Variants in RITA1 observed in about 807,000 individuals in gnomAD.
RITA1 encodes RBPJ-interacting and tubulin-associated protein 1.
A neutral mutation model predicts 8.7 loss-of-function variants in RITA1; 15 were observed. That is an observed-to-expected ratio of 1.72 (90% CI 1.15 to 2.65). RITA1 has a LOEUF of 2.65. Among genes scored for constraint, RITA1 ranks in the 30% most tolerant of loss-of-function variants. The pLI is 0.00. For missense variants in RITA1, 330 were observed against 363.8 expected (o/e 0.91, Z 0.76); for synonymous variants, 145 against 156.2 (o/e 0.93, Z 0.53).
intron 3 of RITA1, 78 bp downstream of exon 3, chr12:113,187,126 C>G: frequency 7.1e-7 from 1 of 1,405,572 alleles, no homozygotes; most frequent in Non-Finnish European, 9.5e-7. Context: ...TGTTCACCTG[C>G]TCTGTGACCT....
Position 113,185,769 on chromosome 12 carries a change from G to A in RITA1, c.-449G>A. ...TGCTGGGTGCAAAGTGCTGGGTTCT[G>A]GGTTTCTGGATTCGCGGGCCGTTCA... On this transcript the variant is annotated 5_prime_UTR_variant, in exon 1 of 4. Coordinates refer to ENST00000548278, the MANE Select transcript of RITA1 (RefSeq NM_032848.3). 1.6e-6 allele frequency: 1 copy of A among 610,018 alleles called. No homozygotes were observed. Among genetic ancestry groups the A allele is most frequent in the Non-Finnish European group, 2.9e-6 (1 of 350,652 alleles). The allele number at this position is 610,018 out of a possible 1,614,324, so 37.8% of individuals were successfully genotyped here. A position where few individuals can be genotyped will look rare whatever the true frequency, so the allele number is the denominator to read the frequency against.
At chr12:113,190,915 A>T (rs556082810) in intron 3 of RITA1, among the ~76,000 whole-genome samples, 1 of 152,350 alleles carries the variant, frequency 6.6e-6, no homozygotes, top group South Asian at 2.1e-4. Flanking sequence ...AAGTAAAGTC[A>T]GGTGGCAGAA....
chr12:113,186,132 A>T, intron 1 of RITA1, 53 bp from the exon 2 acceptor site: 1 of 1,465,830 alleles, frequency 6.8e-7, no homozygotes, highest in Non-Finnish European at 9.2e-7. Context: ...TCCCGATAGC[A>T]GTGTAGCCAA....
chr12:113,191,912 T>C lies in RITA1; in HGVS notation c.*95T>C. 2.0e-6 allele frequency: 3 copies of C among 1,464,114 alleles called. No individual in the cohort carries two copies. Among genetic ancestry groups the C allele is most frequent in the Non-Finnish European group, 2.7e-6 (3 of 1,091,042 alleles). The allele number at this position is 1,464,114 out of a possible 1,614,324, so 90.7% of individuals were successfully genotyped here. A position where few individuals can be genotyped will look rare whatever the true frequency, so the allele number is the denominator to read the frequency against. On this transcript the variant is annotated 3_prime_UTR_variant, in exon 4 of 4. Transcript: ENST00000548278. The surrounding 1 kb of genome is among the most constrained non-coding windows in gnomAD (Gnocchi z 4.0). ...TTCATCACCCAGGGAACCCCAGGTA[T>C]TAAAGAAGCCCCTGTGGGGGCAGAC...
At chr12:113,190,275 T>C (rs1952586352) in intron 3 of RITA1, among the ~76,000 whole-genome samples, 1 of 146,934 alleles carries the variant, frequency 6.8e-6, no homozygotes, top group Non-Finnish European at 1.5e-5. Flanking sequence ...GAGGTTGCAG[T>C]GAGCTGAGAT....
intron 3 of RITA1, among the ~76,000 whole-genome samples, chr12:113,188,024 C>A (rs1359152445): frequency 1.3e-5 from 2 of 152,036 alleles, no homozygotes; most frequent in African/African-American, 4.8e-5. Flanking sequence ...TGACAAAATA[C>A]CACAGACTGG....
Position 113,191,906 on chromosome 12 carries a change from C to T in RITA1, c.*89C>T, listed in dbSNP as rs1952611601. ...AGGACATTCATCACCCAGGGAACCC[C>T]AGGTATTAAAGAAGCCCCTGTGGGG... On this transcript the variant is annotated 3_prime_UTR_variant, in exon 4 of 4. Coordinates refer to ENST00000548278, the MANE Select transcript of RITA1 (RefSeq NM_032848.3). This position sits in a 1 kb window ranked among gnomAD's most constrained non-coding sequence, Gnocchi z 4.0. 5.4e-6 allele frequency: 8 copies of T among 1,487,138 alleles called. No homozygotes were observed. The highest frequency in any genetic ancestry group is 7.2e-6 in the Non-Finnish European group (8 of 1,110,664). The allele number at this position is 1,487,138 out of a possible 1,614,324, so 92.1% of individuals were successfully genotyped here.
Position 113,186,312 on chromosome 12 carries a change from A to G in RITA1, c.-69A>G, listed in dbSNP as rs925665005. 4 of 1,384,666 alleles carry G rather than the reference A, an allele frequency of 2.9e-6. No individual in the cohort carries two copies. The highest frequency in any genetic ancestry group is 3.7e-6 in the Non-Finnish European group (4 of 1,070,410). The allele number at this position is 1,384,666 out of a possible 1,614,324, so 85.8% of individuals were successfully genotyped here. On this transcript the variant is annotated 5_prime_UTR_variant, in exon 2 of 4. Coordinates refer to ENST00000548278, the MANE Select transcript of RITA1 (RefSeq NM_032848.3). ...AAACAATGCTTGTAAAGCTCTTTGC[A>G]GGAGGTAGGCATGGGATCCACGCTG...
Position 113,186,896 on chromosome 12 carries a change from G to T in RITA1, c.150G>T (p.Pro50=), listed in dbSNP as rs780342438. The T allele has an allele frequency of 6.2e-7, 1 of 1,613,968 alleles. No homozygotes were observed. Among genetic ancestry groups the T allele is most frequent in the Non-Finnish European group, 8.5e-7 (1 of 1,180,026 alleles). Residue 50 remains proline (P), a synonymous_variant, in exon 3 of 4, where the codon CCG becomes CCT. Transcript: ENST00000548278. Reference sequence around the variant, plus strand: ...CAGCAGGCACCCGGCCTACCCCACCGGACTTCGATCCGCCCTGGGTGGAGA... The same window carrying T: ...CAGCAGGCACCCGGCCTACCCCACCTGACTTCGATCCGCCCTGGGTGGAGA... The part of the protein sequence containing the change: ...GSPAGTRPTP[P]DFDPPWVEKA...
At position 113,191,737 on chromosome 12, in the gene RITA1, G is replaced by T; in HGVS notation, c.730G>T (p.Ala244Ser). The stretch of plus-strand genomic sequence containing the variant: ...CCGGAGCCCCCTGGTGACTTCCAGG[G>T]CTCGCTCAGTTAGCATTTCAGTGCC... ...TFRSPLVTSR[A>S]RSVSISVPST... The change falls in exon 4 of 4, where the codon GCT (alanine) becomes TCT (serine). Residue 244 changes from alanine (A) to serine (S), a missense_variant. Physicochemically the swap from Ala to Ser is moderately conservative, Grantham distance 99 (BLOSUM62 1). Coordinates refer to ENST00000548278, the MANE Select transcript of RITA1 (RefSeq NM_032848.3). This position sits in a 1 kb window ranked among gnomAD's most constrained non-coding sequence, Gnocchi z 4.0. 1 of 1,613,966 alleles carries T rather than the reference G, an allele frequency of 6.2e-7. No individual in the cohort carries two copies. The highest frequency in any genetic ancestry group is 2.2e-5 in the East Asian group (1 of 44,866).
Position 113,188,786 on chromosome 12 carries a change from C to CTTTTTTTT in RITA1, c.302+1738_302+1739insTTTTTTTT, listed in dbSNP as rs1566105385. On this transcript the variant is annotated intron_variant, in intron 3 of 3. Transcript: ENST00000548278. ...TTATAATGTTATTTAGCCTTAGTTA[C>CTTTTTTTT]CTTTTTTTTTTTTTTTTTTTTTTTT... 4.7e-5 allele frequency among the ~76,000 whole-genome samples: 3 copies of CTTTTTTTT among 64,258 alleles called. 1 individual carries two copies. The allele number at this position is 64,258 out of a possible 152,430, so 42.2% of individuals were successfully genotyped here. A position where few individuals can be genotyped will look rare whatever the true frequency, so the allele number is the denominator to read the frequency against.
Position 113,186,733 on chromosome 12 carries a change from G to C in RITA1, c.-14G>C, listed in dbSNP as rs749744274. On this transcript the variant is annotated 5_prime_UTR_variant, in exon 3 of 4. Transcript: ENST00000548278. ...GGCAGAGCACACCTGCTGTCACCAG[G>C]GACCACAGGCAGCATGAAGACCCCC... The C allele has an allele frequency of 6.2e-7, 1 of 1,610,424 alleles. No individual in the cohort carries two copies. Among genetic ancestry groups the C allele is most frequent in the Non-Finnish European group, 8.5e-7 (1 of 1,177,638 alleles).
rs16942601 is a variant in RITA1, at chr12:113,191,345, C to T, written c.338C>T (p.Ser113Leu). Residue 113 changes from serine to leucine, a missense_variant, in exon 4 of 4, where the codon TCG becomes TTG. Transcript: ENST00000548278. The surrounding 1 kb of genome is among the most constrained non-coding windows in gnomAD (Gnocchi z 4.0). ...CACACCCCGTCTTACTGTGATGAGTCGCTGTTTGGCTCCCGATCTGAAGGC... is the reference window on the plus strand; with the variant it reads ...CACACCCCGTCTTACTGTGATGAGTTGCTGTTTGGCTCCCGATCTGAAGGC... ...ISHTPSYCDE[S>L]LFGSRSEGAS... 5.7e-5 allele frequency: 90 copies of T among 1,565,812 alleles called. No individual in the cohort carries two copies. The highest frequency in any genetic ancestry group is 6.8e-5 in the Non-Finnish European group (79 of 1,154,782).
Position 113,188,525 on chromosome 12 carries a change from G to T in RITA1, c.302+1477G>T, listed in dbSNP as rs142029213. Among the ~76,000 whole-genome samples the T allele has an allele frequency of 9.7e-4, 147 of 152,090 alleles. 1 individual carries two copies. Among genetic ancestry groups the T allele is most frequent in the Middle Eastern group, 3.4e-3 (1 of 294 alleles). On this transcript the variant is annotated intron_variant, in intron 3 of 3. Coordinates refer to ENST00000548278, the MANE Select transcript of RITA1 (RefSeq NM_032848.3). ...CCTGGCCACAACACAAATTTATTTT[G>T]TCACAGTCTGGAGGCTGGAAGCCCA...
Position 113,186,973 on chromosome 12 carries a change from CA to C in RITA1, c.230del (p.Lys77ArgfsTer118). 6.2e-7 allele frequency: 1 copy of C among 1,613,396 alleles called. No individual in the cohort carries two copies. The highest frequency in any genetic ancestry group is 8.5e-7 in the Non-Finnish European group (1 of 1,179,716). ...AAGGAGGCATCGAAGGCCTTGGGGG[CA>C]AAGGGGAGCTGTGAGACCACCCCCT... Reference protein sequence around the residue: ...VGKEASKALGAKGSCETTPSR... With the variant: ...VGKEASKALGXKGSCETTPSR... On this transcript the variant is annotated frameshift_variant, in exon 3 of 4. Transcript: ENST00000548278. LOFTEE classifies it high-confidence loss of function.
At chr12:113,188,163 C>T (rs1189806620) in intron 3 of RITA1, among the ~76,000 whole-genome samples, 2 of 151,988 alleles carry the variant, frequency 1.3e-5, no homozygotes, top group East Asian at 3.9e-4. Flanking sequence ...ACTCTCCTGC[C>T]TCAGTCTCCT....
In RITA1 at chr12:113,191,899, G is replaced by A; in HGVS notation, c.*82G>A. ...GGGTAGGAGGACATTCATCACCCAG[G>A]GAACCCCAGGTATTAAAGAAGCCCC... On this transcript the variant is annotated 3_prime_UTR_variant, in exon 4 of 4. Coordinates refer to ENST00000548278, the MANE Select transcript of RITA1 (RefSeq NM_032848.3). The surrounding 1 kb of genome is among the most constrained non-coding windows in gnomAD (Gnocchi z 4.0). The A allele has an allele frequency of 1.3e-6, 2 of 1,496,984 alleles. No individual in the cohort carries two copies. The highest frequency in any genetic ancestry group is 1.8e-6 in the Non-Finnish European group (2 of 1,118,384). The allele number at this position is 1,496,984 out of a possible 1,614,324, so 92.7% of individuals were successfully genotyped here.
chr12:113,191,777 G>A lies in RITA1; in HGVS notation c.770G>A (p.Arg257Gln), dbSNP rs1458923693. The A allele has an allele frequency of 1.1e-5, 18 of 1,611,458 alleles. No homozygotes were observed. The highest frequency in any genetic ancestry group is 2.2e-5 in the East Asian group (1 of 44,858). The change falls in exon 4 of 4, where the codon CGA becomes CAA. Residue 257 changes from arginine (R) to glutamine (Q), a missense_variant. Transcript: ENST00000548278. This position sits in a 1 kb window ranked among gnomAD's most constrained non-coding sequence, Gnocchi z 4.0. ...VSISVPSTPRRGGATQKPKPP... is the reference protein window; with the variant it reads ...VSISVPSTPRQGGATQKPKPP... ...ATTTCAGTGCCATCTACCCCACGAC[G>A]AGGTGGGGCCACCCAGAAACCAAAG...
chr12:113,188,927 A>T (rs1952569529), intron 3 of RITA1, among the ~76,000 whole-genome samples: 1 of 146,422 alleles, frequency 6.8e-6, no homozygotes, highest in Non-Finnish European at 1.5e-5. Flanking sequence ...CTCCTGCCTC[A>T]GCCTCCCGAG....
Sources: gnomAD v4.1 joint callset for allele counts (sites outside exome capture counted in the v4.1 genomes callset) on GRCh38, gnomAD v4.1.1 for gene constraint, Gnocchi (gnomAD v3.1) non-coding constraint, MANE v1.5 for transcripts, NCBI Gene and HGNC (gene_info 2026-07-23, HGNC 2026-07-21) for gene names.